Variants in PTK7 observed in about 807,000 individuals in gnomAD.
The protein encoded by PTK7 is inactive tyrosine-protein kinase 7.
Under a neutral mutation model 116.6 loss-of-function variants are expected in PTK7, and 39 were observed. The ratio of observed to expected loss-of-function variants is 0.33; its 90% confidence interval spans 0.26 to 0.44. The LOEUF (loss-of-function observed/expected upper bound fraction) is 0.44. PTK7 is among the 20% of genes least tolerant of loss of function. PTK7 has a pLI of 1.00. For synonymous variants in PTK7, 546 were observed against 563.6 expected, an observed-to-expected ratio of 0.97 and a Z score of 0.44; for missense variants, 1,169 against 1,425.6, an observed-to-expected ratio of 0.82 and a Z score of 2.90.
chr6:43,091,777 C>T (rs376654267), intron 1 of PTK7, among the ~76,000 whole-genome samples: 1 of 152,202 alleles, frequency 6.6e-6, no homozygotes, highest in East Asian at 1.9e-4. Context: ...ATATCCCACT[C>T]CATCCCGCCC....
chr6:43,127,824 G>A (rs936539620), intron 1 of PTK7, among the ~76,000 whole-genome samples: 2 of 152,162 alleles, frequency 1.3e-5, no homozygotes, highest in African/African-American at 4.8e-5. Context: ...AGCTACTCGG[G>A]AGGCTGAGGC....
In PTK7 at chr6:43,160,715, C is replaced by T. The variant is rs888459265; in HGVS notation, c.3053-6C>T. ...GCCAACACTGCACCTGCTGTCTTCCCTACAGATTTGCAGGCTGGGAAGGCT... is the reference window on the plus strand; with the variant it reads ...GCCAACACTGCACCTGCTGTCTTCCTTACAGATTTGCAGGCTGGGAAGGCT... On this transcript the variant is annotated splice_region_variant and splice_polypyrimidine_tract_variant and intron_variant, in intron 19 of 19. Coordinates refer to ENST00000230419, the MANE Select transcript of PTK7 (RefSeq NM_002821.5). The T allele has an allele frequency of 4.3e-6, 7 of 1,613,872 alleles. No individual in the cohort carries two copies. The highest frequency in any genetic ancestry group is 2.7e-5 in the African/African-American group (2 of 74,946).
intron 1 of PTK7, among the ~76,000 whole-genome samples, chr6:43,106,817 T>C (rs1192984957): frequency 6.6e-6 from 1 of 151,882 alleles, no homozygotes; most frequent in African/African-American, 2.4e-5. Flanking sequence ...GGTTTTACCA[T>C]GTTGGCCAGG....
chr6:43,079,896 CAA>C (rs757923431), intron 1 of PTK7, among the ~76,000 whole-genome samples: 6 of 62,012 alleles, frequency 9.7e-5, no homozygotes, highest in Admixed American at 1.9e-4. Flanking sequence ...TCCACCTGTA[CAA>C]AAAAAAAAAA....
Position 43,130,554 on chromosome 6 carries a change from A to T in PTK7, c.705A>T (p.Val235=). 1 of 1,614,138 alleles carries T rather than the reference A, an allele frequency of 6.2e-7. No individual in the cohort carries two copies. The highest frequency in any genetic ancestry group is 8.5e-7 in the Non-Finnish European group (1 of 1,180,006). ...TGGTGCTGGCACCCCAGGACGTGGT[A>T]GTAGCGAGGTATGAGGAGGCCATGT... ...ARVVLAPQDV[V]VARYEEAMFH... is the part of the protein sequence containing the mutation. Residue 235 remains valine, a synonymous_variant, in exon 5 of 20, where the codon GTA becomes GTT. Coordinates refer to ENST00000230419, the MANE Select transcript of PTK7 (RefSeq NM_002821.5).
intron 19 of PTK7, 24 bp from the exon 20 acceptor site, chr6:43,160,697 C>T (rs748088094): frequency 6.2e-7 from 1 of 1,612,806 alleles, no homozygotes; most frequent in South Asian, 1.1e-5. Flanking sequence ...TTGGCCAACA[C>T]TGCACCTGCT....
rs752143475 is a variant in PTK7 at position 43,132,026 on chromosome 6, C to T, written c.823C>T (p.Leu275Phe). 6.2e-7 allele frequency: 1 copy of T among 1,614,064 alleles called. No homozygotes were observed. Among genetic ancestry groups the T allele is most frequent in the Non-Finnish European group, 8.5e-7 (1 of 1,180,018 alleles). ...PITNRSRPPHLRRATVFANGS... is the reference protein window; with the variant it reads ...PITNRSRPPHFRRATVFANGS... Reference sequence around the variant, plus strand: ...CTCTCCCCTCTGCAGCCCCCCACACCTCCGCAGAGCCACAGTGTTTGCCAA... The same window carrying T: ...CTCTCCCCTCTGCAGCCCCCCACACTTCCGCAGAGCCACAGTGTTTGCCAA... The change falls in exon 6 of 20, where the codon CTC becomes TTC. Residue 275 changes from leucine (L) to phenylalanine (F), a missense_variant. Leu to Phe is a conservative substitution (Grantham distance 22). Around this residue, in one of 3 missense-constraint regions of PTK7, gnomAD observed 487 missense variants for 549.8 expected, o/e 0.89. Coordinates refer to ENST00000230419, the MANE Select transcript of PTK7 (RefSeq NM_002821.5).
chr6:43,082,424 C>T (rs1427689484), intron 1 of PTK7, among the ~76,000 whole-genome samples: 1 of 152,182 alleles, frequency 6.6e-6, no homozygotes, highest in Non-Finnish European at 1.5e-5. Context: ...GATCCGCCCA[C>T]CTCAGCCTCC....
Position 43,128,855 on chromosome 6 carries a change from C to T in PTK7, c.80-122C>T, listed in dbSNP as rs114989582. The T allele has an allele frequency of 1.7e-4, 165 of 995,854 alleles. 1 individual carries two copies. The African/African-American group carries it at 1.7e-3, about 10-fold the overall frequency. The allele number at this position is 995,854 out of a possible 1,614,324, so 61.7% of individuals were successfully genotyped here. Reference sequence around the variant, plus strand: ...AATTGTGGCATCATGATCCTTCACACCTGCACTTACTGGACGCCTCCTGTG... The same window carrying T: ...AATTGTGGCATCATGATCCTTCACATCTGCACTTACTGGACGCCTCCTGTG... On this transcript the variant is annotated intron_variant, in intron 1 of 19. Transcript: ENST00000230419.
chr6:43,146,786 T>A, intron 17 of PTK7, 88 bp downstream of exon 17: 3 of 1,155,772 alleles, frequency 2.6e-6, no homozygotes, highest in Non-Finnish European at 3.9e-6. Context: ...GGGCTCTCTA[T>A]GGGCCAGGCC....
chr6:43,139,801 T>G lies in PTK7; in HGVS notation c.1618+276T>G, dbSNP rs1473167234. 1.3e-5 allele frequency among the ~76,000 whole-genome samples: 2 copies of G among 152,230 alleles called. No homozygotes were observed. Among genetic ancestry groups the G allele is most frequent in the South Asian group, 2.1e-4 (1 of 4,830 alleles). ...CCTCTCTTCCCCTTTTCCAAAATAGTTTATCTTTTCCAACATAAAAATTAC... is the reference window on the plus strand; with the variant it reads ...CCTCTCTTCCCCTTTTCCAAAATAGGTTATCTTTTCCAACATAAAAATTAC... On this transcript the variant is annotated intron_variant, in intron 10 of 19. Coordinates refer to ENST00000230419, the MANE Select transcript of PTK7 (RefSeq NM_002821.5). This position sits in a 1 kb window ranked among gnomAD's most constrained non-coding sequence, Gnocchi z 4.6.
Position 43,076,586 on chromosome 6 carries a change from G to C in PTK7, c.79+19G>C, listed in dbSNP as rs776179619. On this transcript the variant is annotated intron_variant, in intron 1 of 19. Transcript: ENST00000230419. This position sits in a 1 kb window ranked among gnomAD's most constrained non-coding sequence, Gnocchi z 5.7. ...CTGGGCGGTGAGTACCCGAGAGTTGGGGGCACAGAGCTTGGGAAGCGCGGG... is the reference window on the plus strand; with the variant it reads ...CTGGGCGGTGAGTACCCGAGAGTTGCGGGCACAGAGCTTGGGAAGCGCGGG... 6.4e-7 allele frequency: 1 copy of C among 1,570,910 alleles called. No individual in the cohort carries two copies. Among genetic ancestry groups the C allele is most frequent in the Non-Finnish European group, 8.6e-7 (1 of 1,164,046 alleles).
At chr6:43,157,364 A>ATATATATATATATATATATTTTTTTTTT in intron 17 of PTK7, among the ~76,000 whole-genome samples, 1 of 54,366 alleles carries the variant, frequency 1.8e-5, no homozygotes, top group Non-Finnish European at 3.3e-5. Flanking sequence ...ATATATATAT[A>ATATATATATATATATATATTTTTTTTTT]TTTTTTTTTT....
At chr6:43,149,059 CA>C (rs59033917) in intron 17 of PTK7, among the ~76,000 whole-genome samples, 26,886 of 69,878 alleles carry the variant, frequency 0.38, 3,014 homozygotes, top group African/African-American at 0.49. Flanking sequence ...GACTTTGTCT[CA>C]AAAAAAAAAA....
intron 1 of PTK7, among the ~76,000 whole-genome samples, chr6:43,078,408 A>G (rs1169565601): frequency 6.6e-6 from 1 of 152,162 alleles, no homozygotes; most frequent in Non-Finnish European, 1.5e-5. Flanking sequence ...CAATTCCACC[A>G]AATGTGCCTT....
intron 1 of PTK7, among the ~76,000 whole-genome samples, chr6:43,112,643 A>G (rs559641122): frequency 3.0e-4 from 45 of 151,878 alleles, no homozygotes; most frequent in Non-Finnish European, 5.4e-4. Context: ...CAAACTCCTG[A>G]CCTCAGGTGA....
intron 1 of PTK7, among the ~76,000 whole-genome samples, chr6:43,111,226 A>G (rs1435877088): frequency 1.3e-5 from 2 of 152,238 alleles, no homozygotes; most frequent in African/African-American, 2.4e-5. Context: ...GCCAGCAATC[A>G]GTAGCTACCC....
chr6:43,139,570 C>T lies in PTK7; in HGVS notation c.1618+45C>T, dbSNP rs2150445768. 6.2e-7 allele frequency: 1 copy of T among 1,610,500 alleles called. No homozygotes were observed. The highest frequency in any genetic ancestry group is 8.5e-7 in the Non-Finnish European group (1 of 1,178,924). On this transcript the variant is annotated intron_variant, in intron 10 of 19. Transcript: ENST00000230419. The surrounding 1 kb of genome is among the most constrained non-coding windows in gnomAD (Gnocchi z 4.6). ...AGGGTAGGGGCAGGCAGGCAGTTCA[C>T]TGATCAGATACATACCTGAGGGCTG...
chr6:43,098,539 A>T (rs892686071), intron 1 of PTK7, among the ~76,000 whole-genome samples: 2 of 151,922 alleles, frequency 1.3e-5, no homozygotes, highest in African/African-American at 4.8e-5. Context: ...CATTTTTAGT[A>T]GAGATGGGGT....
Sources: gnomAD v4.1 joint callset for allele counts (sites outside exome capture counted in the v4.1 genomes callset) on GRCh38, gnomAD v4.1.1 for gene constraint, gnomAD v4.1.1 regional missense constraint, Gnocchi (gnomAD v3.1) non-coding constraint, MANE v1.5 for transcripts, NCBI Gene and HGNC (gene_info 2026-07-23, HGNC 2026-07-21) for gene names.